HS6ST3: variants seen among roughly 807,000 people sequenced by gnomAD.
HS6ST3 encodes the protein heparan-sulfate 6-O-sulfotransferase 3.
Under a neutral mutation model 36.7 loss-of-function variants are expected in HS6ST3, and 12 were observed. The observed-to-expected ratio is 0.33, with a 90% confidence interval of 0.21 to 0.53. The LOEUF is 0.53. Ranked by LOEUF, HS6ST3 falls within the 20% of genes least tolerant of loss-of-function variation. The pLI is 0.95. For synonymous variants in HS6ST3, 240 were observed against 257.5 expected, an observed-to-expected ratio of 0.93 and a Z score of 0.65; for missense variants, 584 against 640.9, an observed-to-expected ratio of 0.91 and a Z score of 0.96.
intron 1 of HS6ST3, among the ~76,000 whole-genome samples, chr13:96,419,000 A>G (rs532979105): frequency 6.6e-6 from 1 of 152,370 alleles, no homozygotes; most frequent in African/African-American, 2.4e-5. Context: ...AAACGCCCCG[A>G]TAAATGCCTT....
intron 1 of HS6ST3, among the ~76,000 whole-genome samples, chr13:96,511,036 GA>G (rs1460014313): frequency 6.6e-6 from 1 of 152,080 alleles, no homozygotes; most frequent in Non-Finnish European, 1.5e-5. Flanking sequence ...TTTGGAAACT[GA>G]AAAGGGCCTA....
intron 1 of HS6ST3, among the ~76,000 whole-genome samples, chr13:96,322,884 C>T (rs971875587): frequency 3.9e-5 from 6 of 152,210 alleles, no homozygotes; most frequent in Non-Finnish European, 8.8e-5. Flanking sequence ...CAGCAGATTC[C>T]ACACAATATC....
chr13:96,753,618 T>G (rs577875086), intron 1 of HS6ST3, among the ~76,000 whole-genome samples: 9 of 152,338 alleles, frequency 5.9e-5, no homozygotes, highest in African/African-American at 2.2e-4. Context: ...GTTTTCTTTA[T>G]AGATAATTAT....
At chr13:96,497,264 C>T (rs1253709048) in intron 1 of HS6ST3, among the ~76,000 whole-genome samples, 1 of 152,090 alleles carries the variant, frequency 6.6e-6, no homozygotes, top group African/African-American at 2.4e-5. Flanking sequence ...TATAGGACTG[C>T]TAATGTTACT....
At chr13:96,782,036 AAC>A (rs772503018) in intron 1 of HS6ST3, among the ~76,000 whole-genome samples, 36 of 152,292 alleles carry the variant, frequency 2.4e-4, no homozygotes, top group Non-Finnish European at 4.1e-4. Context: ...CTGTTAGGAA[AAC>A]ACATAGAAAT....
chr13:96,826,540 T>C (rs1878651228), intron 1 of HS6ST3, among the ~76,000 whole-genome samples: 1 of 152,116 alleles, frequency 6.6e-6, no homozygotes, highest in South Asian at 2.1e-4. Flanking sequence ...ACCAAGACTG[T>C]TACATTTAAG....
chr13:96,400,360 A>G (rs2055444875), intron 1 of HS6ST3, among the ~76,000 whole-genome samples: 1 of 151,940 alleles, frequency 6.6e-6, no homozygotes, highest in Non-Finnish European at 1.5e-5. Flanking sequence ...TGACTCCTGA[A>G]TAGGCTGGGA....
intron 1 of HS6ST3, among the ~76,000 whole-genome samples, chr13:96,417,590 A>ATGTGTGTG (rs148288275): frequency 0.049 from 6,883 of 139,836 alleles, 226 homozygotes; most frequent in African/African-American, 0.094. Flanking sequence ...GCATATATAT[A>ATGTGTGTG]TGTGTGTGTG....
intron 1 of HS6ST3, among the ~76,000 whole-genome samples, chr13:96,318,925 AT>A (rs1328482302): frequency 2.6e-5 from 4 of 152,208 alleles, no homozygotes; most frequent in Non-Finnish European, 5.9e-5. Flanking sequence ...GAAAATGTTA[AT>A]TCTGCCTTAA....
chr13:96,537,782 A>T (rs1182399496), intron 1 of HS6ST3, among the ~76,000 whole-genome samples: 4 of 152,228 alleles, frequency 2.6e-5, no homozygotes, highest in Non-Finnish European at 5.9e-5. Context: ...AACCAATGCT[A>T]GGACTGATAC....
intron 1 of HS6ST3, among the ~76,000 whole-genome samples, chr13:96,616,522 C>A (rs1195924887): frequency 6.6e-6 from 1 of 152,106 alleles, no homozygotes; most frequent in Non-Finnish European, 1.5e-5. Flanking sequence ...AACCTAAGTA[C>A]CCCTGCTCCC....
chr13:96,659,008 G>A (rs546601107), intron 1 of HS6ST3, among the ~76,000 whole-genome samples: 1 of 152,206 alleles, frequency 6.6e-6, no homozygotes, highest in African/African-American at 2.4e-5. Flanking sequence ...TGCCTAGCCT[G>A]TATGAACTCT....
chr13:96,383,050 C>T (rs1181513358), intron 1 of HS6ST3, among the ~76,000 whole-genome samples: 2 of 152,198 alleles, frequency 1.3e-5, no homozygotes, highest in African/African-American at 4.8e-5. Flanking sequence ...TACCTCCACA[C>T]TGTGGTATAC....
chr13:96,447,336 G>A (rs890504670), intron 1 of HS6ST3, among the ~76,000 whole-genome samples: 3 of 152,054 alleles, frequency 2.0e-5, no homozygotes, highest in African/African-American at 7.2e-5. Flanking sequence ...ACCTGCACTT[G>A]TGTACCCCTC....
Position 96,394,650 on chromosome 13 carries a change from G to A in HS6ST3, c.707+303081G>A, listed in dbSNP as rs76143267. On this transcript the variant is annotated intron_variant, in intron 1 of 1. Transcript: ENST00000376705. ...CTCATTGTGCAGAACTTCAAGAAAG[G>A]CATGAGTATAGCATATTAACAATAA... 5.2e-3 allele frequency among the ~76,000 whole-genome samples: 791 copies of A among 152,260 alleles called. 15 individuals are homozygous for A. In the East Asian group the frequency reaches 0.057, roughly 11 times the overall value.
intron 1 of HS6ST3, among the ~76,000 whole-genome samples, chr13:96,334,483 G>C (rs1289922650): frequency 6.6e-6 from 1 of 152,162 alleles, no homozygotes; most frequent in Non-Finnish European, 1.5e-5. Flanking sequence ...GCATTCGTCA[G>C]TTCTCACACT....
At chr13:96,535,235 A>G (rs2056150647) in intron 1 of HS6ST3, among the ~76,000 whole-genome samples, 1 of 152,092 alleles carries the variant, frequency 6.6e-6, no homozygotes, top group Admixed American at 6.5e-5. Flanking sequence ...GTAGAAGATT[A>G]TTCTATAGGT....
At chr13:96,557,477 C>T (rs1270149692) in intron 1 of HS6ST3, among the ~76,000 whole-genome samples, 8 of 152,174 alleles carry the variant, frequency 5.3e-5, no homozygotes, top group African/African-American at 9.7e-5. Context: ...CAAACTCAGA[C>T]CTTCCTGATC....
intron 1 of HS6ST3, among the ~76,000 whole-genome samples, chr13:96,719,374 A>C (rs1875787828): frequency 6.6e-6 from 1 of 152,036 alleles, no homozygotes; most frequent in Non-Finnish European, 1.5e-5. Context: ...AAAGAGCAAG[A>C]GAGCCTGTTT....
Sources: allele counts gnomAD v4.1 joint callset (sites outside exome capture counted in the v4.1 genomes callset), GRCh38; gene constraint gnomAD v4.1.1; transcripts MANE v1.5; gene names NCBI Gene and HGNC (gene_info 2026-07-23, HGNC 2026-07-21).